Variants in GRM7 observed in about 807,000 individuals in gnomAD.
GRM7 encodes the protein metabotropic glutamate receptor 7.
GRM7 carries 35 observed loss-of-function variants against 84.5 expected under a neutral mutation model. The observed-to-expected ratio is 0.41, with a 90% CI of 0.32 to 0.55. The LOEUF (loss-of-function observed/expected upper bound fraction) is 0.55, where lower values mean the gene tolerates loss of function less well. Among genes scored for constraint, GRM7 ranks in the 20% least tolerant of loss-of-function variants. GRM7 has a pLI of 0.19. For missense variants in GRM7, 1,003 were observed against 1,194.6 expected, an observed-to-expected ratio of 0.84 and a Z score of 2.36; for synonymous variants, 487 against 455.1, an observed-to-expected ratio of 1.07 and a Z score of -0.89.
At chr3:6,995,782 A>G (rs1442227036) in intron 1 of GRM7, among the ~76,000 whole-genome samples, 1 of 152,196 alleles carries the variant, frequency 6.6e-6, no homozygotes, top group African/African-American at 2.4e-5. Context: ...AGTGATCACC[A>G]CAGAAGTAGT....
chr3:7,138,633 A>G (rs897876985), intron 1 of GRM7, among the ~76,000 whole-genome samples: 1 of 151,926 alleles, frequency 6.6e-6, no homozygotes, highest in Non-Finnish European at 1.5e-5. Context: ...ACACATTTGC[A>G]AATGACTAAA....
chr3:7,648,536 C>G (rs1011027737), intron 8 of GRM7, among the ~76,000 whole-genome samples: 1 of 151,880 alleles, frequency 6.6e-6, no homozygotes, highest in Non-Finnish European at 1.5e-5. Context: ...GTAACCCTAG[C>G]TACTCAGGAG....
intron 8 of GRM7, among the ~76,000 whole-genome samples, chr3:7,605,971 C>T (rs2125074770): frequency 6.6e-6 from 1 of 152,262 alleles, no homozygotes; most frequent in Non-Finnish European, 1.5e-5. Flanking sequence ...TATTATTTGG[C>T]TGATGGGCCA....
At chr3:7,040,175 T>G (rs567755475) in intron 1 of GRM7, among the ~76,000 whole-genome samples, 1 of 152,328 alleles carries the variant, frequency 6.6e-6, no homozygotes, top group African/African-American at 2.4e-5. Flanking sequence ...GATTTTAGCT[T>G]AGAAATGTTC....
intron 4 of GRM7, among the ~76,000 whole-genome samples, chr3:7,320,870 G>A (rs1180685861): frequency 6.6e-6 from 1 of 151,890 alleles, no homozygotes; most frequent in African/African-American, 2.4e-5. Flanking sequence ...TGTTTTATGA[G>A]GGCTCTGTAG....
chr3:6,947,357 A>G (rs1698127270), intron 1 of GRM7, among the ~76,000 whole-genome samples: 1 of 152,142 alleles, frequency 6.6e-6, no homozygotes, highest in Admixed American at 6.5e-5. Context: ...GATTACGTTT[A>G]TTGATTTTCA....
At chr3:7,055,812 C>A in intron 1 of GRM7, among the ~76,000 whole-genome samples, 1 of 151,964 alleles carries the variant, frequency 6.6e-6, no homozygotes, top group East Asian at 1.9e-4. Flanking sequence ...TGAGCCAGTG[C>A]ACTCAGCCTA....
intron 8 of GRM7, among the ~76,000 whole-genome samples, chr3:7,586,509 T>C (rs992677553): frequency 6.6e-6 from 1 of 152,024 alleles, no homozygotes; most frequent in South Asian, 2.1e-4. Flanking sequence ...TACTCTGCAG[T>C]AAAAAGCAAT....
At chr3:7,656,502 C>A (rs1699185372) in intron 8 of GRM7, among the ~76,000 whole-genome samples, 1 of 101,866 alleles carries the variant, frequency 9.8e-6, no homozygotes. Context: ...TCTCAAAAAA[C>A]AAACAAACAA....
At chr3:7,414,020 T>C (rs764295500) in intron 4 of GRM7, among the ~76,000 whole-genome samples, 2 of 152,126 alleles carry the variant, frequency 1.3e-5, no homozygotes, top group Non-Finnish European at 2.9e-5. Flanking sequence ...CTCTAAGCCT[T>C]CATTTTTAAC....
chr3:7,632,956 T>A (rs1697922321), intron 8 of GRM7, among the ~76,000 whole-genome samples: 1 of 152,206 alleles, frequency 6.6e-6, no homozygotes, highest in Non-Finnish European at 1.5e-5. Flanking sequence ...TAAAGAACCA[T>A]AAAAGAAAAC....
At chr3:7,509,539 A>C (rs1222351804) in intron 7 of GRM7, among the ~76,000 whole-genome samples, 1 of 152,218 alleles carries the variant, frequency 6.6e-6, no homozygotes, top group Non-Finnish European at 1.5e-5. Context: ...TATCCCCTGA[A>C]GATAAAGAGG....
chr3:7,365,111 T>C (rs1475855064), intron 4 of GRM7, among the ~76,000 whole-genome samples: 2 of 151,894 alleles, frequency 1.3e-5, no homozygotes, highest in African/African-American at 4.8e-5. Context: ...CACAGTTTTC[T>C]GGTTTTTCTG....
At chr3:7,139,144 A>G (rs1025321059) in intron 1 of GRM7, among the ~76,000 whole-genome samples, 4 of 148,424 alleles carry the variant, frequency 2.7e-5, no homozygotes, top group African/African-American at 9.8e-5. Context: ...TACTATATGA[A>G]CCTCTTAAAG....
At chr3:7,178,441 A>T (rs764165759) in intron 2 of GRM7, among the ~76,000 whole-genome samples, 5 of 152,010 alleles carry the variant, frequency 3.3e-5, no homozygotes, top group Non-Finnish European at 7.4e-5. Flanking sequence ...AACACTTGGC[A>T]TCCATGTAGA....
chr3:7,282,753 A>T (rs529532646), intron 2 of GRM7, among the ~76,000 whole-genome samples: 11 of 152,298 alleles, frequency 7.2e-5, no homozygotes, highest in Non-Finnish European at 1.3e-4. Context: ...AATGTTTAAT[A>T]TATTAAAGCT....
At position 7,517,313 on chromosome 3, in the gene GRM7, TATAA is replaced by T. The variant is rs1181990460; in HGVS notation, c.1515+55597_1515+55600del. ...ACATTTGTCAAACAGAAAATGTTTG[TATAA>T]ATAAACAAATGTGTGATATTATTGT... On this transcript the variant is annotated intron_variant, in intron 7 of 9. Transcript: ENST00000357716. 2.0e-5 allele frequency among the ~76,000 whole-genome samples: 3 copies of T among 152,212 alleles called. 1 individual carries two copies. Among genetic ancestry groups the T allele is most frequent in the Admixed American group, 6.5e-5 (1 of 15,276 alleles).
intron 1 of GRM7, among the ~76,000 whole-genome samples, chr3:7,104,128 T>C (rs1699218634): frequency 6.6e-6 from 1 of 151,610 alleles, no homozygotes; most frequent in Non-Finnish European, 1.5e-5. Flanking sequence ...TATAAGAAGG[T>C]ATGTGAGAAA....
At chr3:7,492,472 G>T (rs1006821849) in intron 7 of GRM7, among the ~76,000 whole-genome samples, 1 of 152,014 alleles carries the variant, frequency 6.6e-6, no homozygotes, top group African/African-American at 2.4e-5. Flanking sequence ...TTTCTTTTCA[G>T]TTGCTGTATT....
Sources: gnomAD v4.1 joint callset for allele counts (sites outside exome capture counted in the v4.1 genomes callset) on GRCh38, gnomAD v4.1.1 for gene constraint, MANE v1.5 for transcripts, NCBI Gene and HGNC (gene_info 2026-07-23, HGNC 2026-07-21) for gene names.